Variants in CFAP74 observed in about 807,000 individuals in gnomAD.
The protein encoded by CFAP74 is cilia and flagella associated protein 74, also known as cilia- and flagella-associated protein 74.
Under a neutral mutation model 188.9 loss-of-function variants are expected in CFAP74, and 124 were observed. The ratio of observed to expected loss-of-function variants is 0.66; its 90% CI spans 0.57 to 0.76. The LOEUF is 0.76. Among genes scored for constraint, CFAP74 ranks in the 30% least tolerant of loss-of-function variants. The probability of loss-of-function intolerance (pLI) is 0.00; values close to 1 mark genes in which losing one functional copy is unlikely to be tolerated. For missense variants in CFAP74, 2,198 were observed against 2,165.2 expected (o/e 1.02, Z -0.30); for synonymous variants, 956 against 916.7 (o/e 1.04, Z -0.77).
rs770330786 is a variant in CFAP74 at position 1,927,677 on chromosome 1, T to C, written c.3457A>G (p.Asn1153Asp). 4.3e-5 allele frequency: 66 copies of C among 1,550,046 alleles called. No individual in the cohort carries two copies. Among genetic ancestry groups the C allele is most frequent in the Non-Finnish European group, 5.2e-6 (6 of 1,146,864 alleles). Reference sequence around the variant, plus strand: ...GAGACTTTGAACAGCTTGTCGCGGTTCTGTGCTCGAAGAACGGAGAATGAC... The same window carrying C: ...GAGACTTTGAACAGCTTGTCGCGGTCCTGTGCTCGAAGAACGGAGAATGAC... Reference protein sequence around the residue: ...GLSFSVLRAQNRDKLFKVSVP... With the variant: ...GLSFSVLRAQDRDKLFKVSVP... The change falls in exon 28 of 39, where the codon AAC becomes GAC. Residue 1153 changes from asparagine (N) to aspartate (D), a missense_variant. Physicochemically the swap from Asn to Asp is conservative, Grantham distance 23 (BLOSUM62 1). Transcript: ENST00000682832.
chr1:1,988,001 CT>C, intron 4 of CFAP74: 1 of 429,828 alleles, frequency 2.3e-6, no homozygotes, highest in South Asian at 1.7e-5. Flanking sequence ...CAGGGTCTTG[CT>C]CTGTCACCCA....
At position 1,928,867 on chromosome 1, in the gene CFAP74, C is replaced by A; in HGVS notation, c.3304G>T (p.Val1102Leu). The A allele has an allele frequency of 6.5e-7, 1 of 1,535,556 alleles. No individual in the cohort carries two copies. Among genetic ancestry groups the A allele is most frequent in the Non-Finnish European group, 8.7e-7 (1 of 1,146,610 alleles). The change falls in exon 27 of 39, where the codon GTG becomes TTG. Residue 1102 changes from valine (V) to leucine (L), a missense_variant. Coordinates refer to ENST00000682832, the MANE Select transcript of CFAP74 (RefSeq NM_001304360.2). ...VWPGKRCLVQ[V>L]AFRPVLPEKL... ...TCGGGCAGCACTGGCCGGAAGGCCA[C>A]CTGGACCAGGCACCTCTGAGGAGAG...
intron 20 of CFAP74, 54 bp downstream of exon 20, chr1:1,946,263 G>C (rs1653768954): frequency 6.7e-7 from 1 of 1,485,006 alleles, no homozygotes; most frequent in African/African-American, 1.4e-5. Context: ...GCCACATGAG[G>C]CTGTGGAGGC....
chr1:1,977,166 A>G (rs1357243054), intron 6 of CFAP74, among the ~76,000 whole-genome samples: 1 of 152,014 alleles, frequency 6.6e-6, no homozygotes, highest in Non-Finnish European at 1.5e-5. Flanking sequence ...TCTTTATATG[A>G]CCCAGTGTCA....
intron 18 of CFAP74, chr1:1,954,877 TCACA>T (rs1654437166): frequency 8.7e-7 from 1 of 1,155,514 alleles, no homozygotes; most frequent in South Asian, 1.8e-5. Flanking sequence ...CTGTGGGAAC[TCACA>T]CACAGGCCAA....
intron 30 of CFAP74, 34 bp from the exon 31 acceptor site, chr1:1,926,546 C>G: frequency 6.5e-7 from 1 of 1,549,748 alleles, no homozygotes; most frequent in African/African-American, 1.4e-5. Flanking sequence ...GGCCCCAGCC[C>G]CAGGCCCCAG....
chr1:1,974,726 C>T lies in CFAP74; in HGVS notation c.501-528G>A, dbSNP rs578258083. Reference sequence around the variant, plus strand: ...CCCTGGTCTTGGGCGAATTTGTCCTCGACTGTGAGTGTGGCGTCTGTGGTG... The same window carrying T: ...CCCTGGTCTTGGGCGAATTTGTCCTTGACTGTGAGTGTGGCGTCTGTGGTG... On this transcript the variant is annotated intron_variant, in intron 6 of 38. Transcript: ENST00000682832. 4.6e-5 allele frequency among the ~76,000 whole-genome samples: 7 copies of T among 152,352 alleles called. No individual in the cohort carries two copies. The East Asian group carries it at 9.7e-4, about 21-fold the overall frequency.
chr1:1,934,938 T>C (rs1267776274), intron 25 of CFAP74, among the ~76,000 whole-genome samples: 2 of 94,350 alleles, frequency 2.1e-5, no homozygotes, highest in Non-Finnish European at 4.5e-5. Flanking sequence ...TACACAGGTG[T>C]GTACGTGGGT....
chr1:1,962,667 T>C (rs535405402), intron 14 of CFAP74, among the ~76,000 whole-genome samples: 1 of 151,764 alleles, frequency 6.6e-6, no homozygotes, highest in South Asian at 2.1e-4. Flanking sequence ...GGTGGATCAC[T>C]TGAGCTCAGG....
intron 18 of CFAP74, chr1:1,953,737 T>C (rs924415615): frequency 6.5e-6 from 1 of 153,538 alleles, no homozygotes; most frequent in Non-Finnish European, 1.5e-5. Flanking sequence ...GAATTTGAGG[T>C]GGATCATACA....
chr1:1,996,671 A>T (rs1458471450), intron 1 of CFAP74, among the ~76,000 whole-genome samples: 1 of 152,120 alleles, frequency 6.6e-6, no homozygotes, highest in Non-Finnish European at 1.5e-5. Context: ...CTGTGATCTC[A>T]GCACTTTTGG....
intron 18 of CFAP74, chr1:1,954,776 C>A (rs1388624205): frequency 8.2e-6 from 9 of 1,102,436 alleles, no homozygotes; most frequent in Non-Finnish European, 1.0e-5. Flanking sequence ...GAGACCCTGT[C>A]TCAACATAAA....
chr1:1,925,768 C>T lies in CFAP74; in HGVS notation c.4104+15G>A, dbSNP rs1350218745. 2 of 1,605,576 alleles carry T rather than the reference C, an allele frequency of 1.2e-6. No individual in the cohort carries two copies. Among genetic ancestry groups the T allele is most frequent in the African/African-American group, 1.3e-5 (1 of 74,780 alleles). On this transcript the variant is annotated intron_variant, in intron 33 of 38. Transcript: ENST00000682832. ...GGGAGGCTGGAGCCAGCACCAGGGC[C>T]CACGTGTGCTTCACCTTGAAGCCTG...
rs187369267 is a variant in CFAP74 at position 1,935,944 on chromosome 1, G to A, written c.3011+2911C>T. Among the ~76,000 whole-genome samples the A allele has an allele frequency of 3.4e-4, 52 of 152,184 alleles. 2 individuals carry two copies. In the East Asian group the frequency reaches 6.8e-3, roughly 20 times the overall value. Reference sequence around the variant, plus strand: ...AGAAAAGCTCTCTGAGAGGTCAGGTGTAGTGGCTCATGCCTGTAATCCCAG... The same window carrying A: ...AGAAAAGCTCTCTGAGAGGTCAGGTATAGTGGCTCATGCCTGTAATCCCAG... On this transcript the variant is annotated intron_variant, in intron 25 of 38. Transcript: ENST00000682832.
intron 19 of CFAP74, among the ~76,000 whole-genome samples, chr1:1,946,690 CG>C (rs1653797825): frequency 6.6e-6 from 1 of 152,164 alleles, no homozygotes; most frequent in Non-Finnish European, 1.5e-5. Flanking sequence ...AGCTCATGGC[CG>C]TGTCCCAGCC....
Position 1,926,759 on chromosome 1 carries a change from G to C in CFAP74, c.3665C>G (p.Pro1222Arg), listed in dbSNP as rs550787630. ...CAGCTCCAGGTACAGGGTGTTGTGG[G>C]GGCTGGGATAGGAAGGGCATGCTGA... ...RKGSEPLSFS[P>R]HNTLYLELWC... Residue 1222 changes from proline (P) to arginine (R), a missense_variant and splice_region_variant, in exon 30 of 39, where the codon CCC becomes CGC. By Grantham distance (103) the Pro-to-Arg change is moderately radical. Transcript: ENST00000682832. The C allele has an allele frequency of 1.3e-6, 2 of 1,550,072 alleles. No individual in the cohort carries two copies. Among genetic ancestry groups the C allele is most frequent in the African/African-American group, 2.7e-5 (2 of 73,134 alleles).
rs764245590 is a variant in CFAP74, at chr1:1,988,500, GC to G, written c.296+11del. 4.3e-6 allele frequency: 7 copies of G among 1,609,566 alleles called. No homozygotes were observed. In the African/African-American group the frequency reaches 9.3e-5, roughly 21 times the overall value. ...AAGAGGTGCAGGTGCAGCGGCCTCA[GC>G]CCCAGCTCACCTCATCTTCTCAGTG... On this transcript the variant is annotated intron_variant, in intron 4 of 38. Coordinates refer to ENST00000682832, the MANE Select transcript of CFAP74 (RefSeq NM_001304360.2).
chr1:1,965,653 G>A (rs966416971), intron 12 of CFAP74, among the ~76,000 whole-genome samples: 13 of 149,474 alleles, frequency 8.7e-5, no homozygotes, highest in African/African-American at 2.8e-4. Context: ...CTGGCTTCCC[G>A]GGGTGGGGGG....
chr1:1,923,395 G>T lies in CFAP74; in HGVS notation c.4494C>A (p.Ile1498=), dbSNP rs1338606680. The T allele has an allele frequency of 2.5e-6, 4 of 1,589,474 alleles. No individual in the cohort carries two copies. Among genetic ancestry groups the T allele is most frequent in the Non-Finnish European group, 3.4e-6 (4 of 1,168,998 alleles). The change falls in exon 36 of 39, where the codon ATC becomes ATA. Residue 1498 remains isoleucine, a synonymous_variant. Transcript: ENST00000682832. This position sits in a 1 kb window ranked among gnomAD's most constrained non-coding sequence, Gnocchi z 6.3. ...CTCTGTGCCTGGGGTCAAATACAGGGATCGCTGTCAGAGACTCCACGGGCA... is the reference window on the plus strand; with the variant it reads ...CTCTGTGCCTGGGGTCAAATACAGGTATCGCTGTCAGAGACTCCACGGGCA... ...LDVPVESLTA[I]PVFDPRHREA... is the part of the protein sequence containing the mutation.
Sources: gnomAD v4.1 joint callset for allele counts (sites outside exome capture counted in the v4.1 genomes callset) on GRCh38, gnomAD v4.1.1 for gene constraint, Gnocchi (gnomAD v3.1) non-coding constraint, MANE v1.5 for transcripts, NCBI Gene and HGNC (gene_info 2026-07-23, HGNC 2026-07-21) for gene names.